The following ATG10 variants were observed in gnomAD, a reference collection of about 807,000 sequenced individuals.
The protein encoded by ATG10 is autophagy related 10, also known as ubiquitin-like-conjugating enzyme ATG10.
Under a neutral mutation model 32.1 loss-of-function variants are expected in ATG10, and 30 were observed. That is an observed-to-expected ratio of 0.94 (90% CI 0.70 to 1.27). The LOEUF is 1.27. Ranked by LOEUF, ATG10 falls within the 50% of genes most tolerant of loss-of-function variation. The pLI is 0.00. For missense variants in ATG10, 233 were observed against 262.3 expected (o/e 0.89, Z 0.77); for synonymous variants, 87 against 91.5 (o/e 0.95, Z 0.28).
intron 2 of ATG10, among the ~76,000 whole-genome samples, chr5:82,015,620 A>G (rs1762262663): frequency 6.6e-6 from 1 of 152,206 alleles, no homozygotes; most frequent in Non-Finnish European, 1.5e-5. Flanking sequence ...TGATCGAATC[A>G]GCTACTGAAG....
At chr5:81,997,523 C>A (rs1761705125) in intron 2 of ATG10, among the ~76,000 whole-genome samples, 1 of 152,174 alleles carries the variant, frequency 6.6e-6, no homozygotes, top group Non-Finnish European at 1.5e-5. Context: ...AGTTCCCCAG[C>A]AATGGTTCTT....
At chr5:81,999,134 A>G (rs1240092243) in intron 2 of ATG10, among the ~76,000 whole-genome samples, 2 of 149,270 alleles carry the variant, frequency 1.3e-5, no homozygotes, top group Non-Finnish European at 3.0e-5. Flanking sequence ...ACATAAAAAA[A>G]TCCTCAGCCA....
intron 5 of ATG10, among the ~76,000 whole-genome samples, chr5:82,215,852 T>C (rs1161805808): frequency 6.6e-6 from 1 of 151,860 alleles, no homozygotes; most frequent in African/African-American, 2.4e-5. Context: ...GCAGAATAGC[T>C]TGAACCTGGG....
At chr5:82,115,811 G>C (rs1436753320) in intron 3 of ATG10, among the ~76,000 whole-genome samples, 2 of 152,032 alleles carry the variant, frequency 1.3e-5, no homozygotes, top group Admixed American at 6.6e-5. Context: ...GATCAGGCTG[G>C]GATTTCACTG....
chr5:82,227,347 A>T (rs1176361927), intron 5 of ATG10, among the ~76,000 whole-genome samples: 1 of 151,884 alleles, frequency 6.6e-6, no homozygotes, highest in African/African-American at 2.4e-5. Flanking sequence ...GTCCCAATTC[A>T]CACACATATA....
At chr5:82,050,401 A>T (rs1055443289) in intron 2 of ATG10, among the ~76,000 whole-genome samples, 3 of 152,004 alleles carry the variant, frequency 2.0e-5, no homozygotes, top group Non-Finnish European at 2.9e-5. Flanking sequence ...TACCTCCCAC[A>T]TTCCTTCCTA....
chr5:82,193,892 G>A (rs1744755302), intron 5 of ATG10, among the ~76,000 whole-genome samples: 1 of 152,192 alleles, frequency 6.6e-6, no homozygotes, highest in African/African-American at 2.4e-5. Context: ...ATATGCAAAT[G>A]ACAGTTCTCC....
chr5:82,106,831 G>C (rs1765457765), intron 3 of ATG10, among the ~76,000 whole-genome samples: 1 of 151,778 alleles, frequency 6.6e-6, no homozygotes, highest in Admixed American at 6.6e-5. Context: ...TTTAAAGTAA[G>C]ATAAGTGGAG....
At chr5:82,106,795 C>G (rs1368192007) in intron 3 of ATG10, among the ~76,000 whole-genome samples, 1 of 151,166 alleles carries the variant, frequency 6.6e-6, no homozygotes, top group Admixed American at 6.6e-5. Flanking sequence ...TTTCCTACCC[C>G]CTTCTATGAG....
At chr5:82,230,732 C>CA (rs397881697) in intron 5 of ATG10, among the ~76,000 whole-genome samples, 3,548 of 58,356 alleles carry the variant, frequency 0.061, 197 homozygotes, top group East Asian at 0.16. Flanking sequence ...GACTCCGTCT[C>CA]AAAAAAAAAA....
chr5:81,996,369 G>A (rs1283957634), intron 2 of ATG10, among the ~76,000 whole-genome samples: 1 of 152,142 alleles, frequency 6.6e-6, no homozygotes, highest in Non-Finnish European at 1.5e-5. Context: ...TCCCCGAGTA[G>A]TTGGGACTAC....
intron 3 of ATG10, among the ~76,000 whole-genome samples, chr5:82,081,310 A>G (rs554560642): frequency 6.6e-6 from 1 of 152,330 alleles, no homozygotes; most frequent in South Asian, 2.1e-4. Context: ...GCAAACAGGG[A>G]CAATTTGACT....
At chr5:82,201,133 C>T (rs2149962707) in intron 5 of ATG10, among the ~76,000 whole-genome samples, 1 of 152,156 alleles carries the variant, frequency 6.6e-6, no homozygotes, top group South Asian at 2.1e-4. Flanking sequence ...GACCTGCCCA[C>T]CTCAGCCTCC....
chr5:82,103,017 A>G (rs1168129172), intron 3 of ATG10, among the ~76,000 whole-genome samples: 1 of 152,092 alleles, frequency 6.6e-6, no homozygotes, highest in Non-Finnish European at 1.5e-5. Context: ...GATTAGTTTA[A>G]AAAAAGGGGA....
intron 5 of ATG10, among the ~76,000 whole-genome samples, chr5:82,235,091 T>C (rs1195883869): frequency 6.6e-6 from 1 of 152,146 alleles, no homozygotes; most frequent in East Asian, 1.9e-4. Context: ...TGGGTGTGCC[T>C]CCTATTTTGC....
At chr5:81,983,027 A>G (rs945603516) in intron 1 of ATG10, among the ~76,000 whole-genome samples, 5 of 151,742 alleles carry the variant, frequency 3.3e-5, no homozygotes, top group Non-Finnish European at 7.4e-5. Flanking sequence ...ATTCCACAAA[A>G]CCGCCATTGT....
At chr5:82,212,393 C>T (rs1358772937) in intron 5 of ATG10, among the ~76,000 whole-genome samples, 2 of 152,188 alleles carry the variant, frequency 1.3e-5, no homozygotes, top group Non-Finnish European at 2.9e-5. Flanking sequence ...GTCTCCTTGC[C>T]ATAGGATTCT....
chr5:82,106,581 A>G (rs1226560564), intron 3 of ATG10, among the ~76,000 whole-genome samples: 1 of 152,102 alleles, frequency 6.6e-6, no homozygotes. Context: ...GAGGTTTTAT[A>G]GTAGAGCTAA....
chr5:82,185,226 G>T (rs1744403138), intron 5 of ATG10, among the ~76,000 whole-genome samples: 1 of 152,128 alleles, frequency 6.6e-6, no homozygotes, highest in Non-Finnish European at 1.5e-5. Context: ...AACTCAATCT[G>T]TATCTTATCT....
Sources: allele counts gnomAD v4.1 joint callset (sites outside exome capture counted in the v4.1 genomes callset), GRCh38; gene constraint gnomAD v4.1.1; transcripts MANE v1.5; gene names NCBI Gene and HGNC (gene_info 2026-07-23, HGNC 2026-07-21).